Variants in TENM2 observed in about 807,000 individuals in gnomAD.
TENM2 encodes teneurin-2.
TENM2 carries 52 observed loss-of-function variants against 245.2 expected under a neutral mutation model. The observed-to-expected ratio is 0.21, with a 90% confidence interval of 0.17 to 0.27. The LOEUF is 0.27. Among genes scored for constraint, TENM2 ranks in the 10% least tolerant of loss-of-function variants. The pLI, the probability that TENM2 is intolerant of heterozygous loss-of-function variation, is 1.00. For synonymous variants in TENM2, 1,363 were observed against 1,438.9 expected, an observed-to-expected ratio of 0.95 and a Z score of 1.19; for missense variants, 3,046 against 3,666.8, an observed-to-expected ratio of 0.83 and a Z score of 4.37.
In TENM2 at chr5:167,949,145, C is replaced by A. The variant is rs540366839; in HGVS notation, c.713-3443C>A. 2.0e-5 allele frequency among the ~76,000 whole-genome samples: 3 copies of A among 152,218 alleles called. No homozygotes were observed. The South Asian group carries it at 6.2e-4, about 32-fold the overall frequency. On this transcript the variant is annotated intron_variant, in intron 3 of 28. Transcript: ENST00000518659. ...TAGGAGTCAAAAACATACTATTAGG[C>A]GTCAGTAACATAAATACATACAGCC...
chr5:167,103,424 C>T, the TENM2 span, among the ~76,000 whole-genome samples: 1 of 152,178 alleles, frequency 6.6e-6, no homozygotes, highest in Non-Finnish European at 1.5e-5. Flanking sequence ...CGAAGGAGTT[C>T]AGGGACTATG....
exon 14 of TENM2, chr5:168,190,480 C>A: frequency 6.2e-7 from 1 of 1,613,976 alleles, no homozygotes; most frequent in Non-Finnish European, 8.5e-7. Context: ...CTTCTATGAC[C>A]GTATCAAGCT....
chr5:167,629,227 A>G (rs889844718), intron 2 of TENM2, among the ~76,000 whole-genome samples: 11 of 152,202 alleles, frequency 7.2e-5, no homozygotes, highest in African/African-American at 2.2e-4. Flanking sequence ...CTAGGTTCAA[A>G]TCCTGGTTTA....
chr5:167,584,061 T>C (rs1266658089), intron 2 of TENM2, among the ~76,000 whole-genome samples: 1 of 152,242 alleles, frequency 6.6e-6, no homozygotes, highest in African/African-American at 2.4e-5. Flanking sequence ...CCTCACTATA[T>C]ATAACTGCTG....
At chr5:167,930,765 T>TC (rs1342462456) in intron 3 of TENM2, among the ~76,000 whole-genome samples, 1 of 148,240 alleles carries the variant, frequency 6.7e-6, no homozygotes, top group African/African-American at 2.5e-5. Context: ...GAGAATTTTT[T>TC]TTTTTTAAAA....
the TENM2 span, among the ~76,000 whole-genome samples, chr5:167,090,133 G>GT: frequency 6.6e-6 from 1 of 151,788 alleles, no homozygotes; most frequent in South Asian, 2.1e-4. Context: ...ATTTATTACT[G>GT]TAAGAGAAGA....
At chr5:167,031,053 A>C in the TENM2 span, among the ~76,000 whole-genome samples, 1 of 152,200 alleles carries the variant, frequency 6.6e-6, no homozygotes, top group South Asian at 2.1e-4. Context: ...CGAACCTTTT[A>C]GAAGTGAGCC....
chr5:167,220,718 T>A, the TENM2 span, among the ~76,000 whole-genome samples: 2 of 152,224 alleles, frequency 1.3e-5, no homozygotes. Context: ...TCTTGGACTC[T>A]TAATTTCTTT....
chr5:167,538,511 A>G (rs943432465), intron 2 of TENM2, among the ~76,000 whole-genome samples: 42 of 152,306 alleles, frequency 2.8e-4, no homozygotes, highest in African/African-American at 9.4e-4. Flanking sequence ...TTCTCATTTA[A>G]CAATAAGTGA....
At chr5:167,891,748 C>T (rs1469782348) in intron 3 of TENM2, among the ~76,000 whole-genome samples, 1 of 152,162 alleles carries the variant, frequency 6.6e-6, no homozygotes, top group African/African-American at 2.4e-5. Flanking sequence ...TCCACCATGT[C>T]ACAGGTGCTG....
At chr5:167,981,331 T>G (rs1025145213) in intron 4 of TENM2, among the ~76,000 whole-genome samples, 1 of 152,162 alleles carries the variant, frequency 6.6e-6, no homozygotes, top group Non-Finnish European at 1.5e-5. Flanking sequence ...CCTGCACAAC[T>G]GGAGAAGTGA....
At chr5:167,980,981 G>A (rs1782791868) in intron 4 of TENM2, among the ~76,000 whole-genome samples, 1 of 152,172 alleles carries the variant, frequency 6.6e-6, no homozygotes, top group African/African-American at 2.4e-5. Context: ...AGCCAACAGA[G>A]CTCAGCCAAG....
At chr5:166,994,308 G>A in the TENM2 span, among the ~76,000 whole-genome samples, 2 of 152,170 alleles carry the variant, frequency 1.3e-5, no homozygotes, top group African/African-American at 4.8e-5. Flanking sequence ...AATATTGTGG[G>A]CGATCATCTT....
chr5:168,242,418 C>T (rs1766180287), intron 25 of TENM2, among the ~76,000 whole-genome samples: 1 of 152,196 alleles, frequency 6.6e-6, no homozygotes, highest in African/African-American at 2.4e-5. Flanking sequence ...ACATACAATA[C>T]AGGAAGCAGT....
chr5:167,351,609 A>C (rs184631378), intron 1 of TENM2, among the ~76,000 whole-genome samples: 1 of 152,202 alleles, frequency 6.6e-6, no homozygotes. Context: ...AAAGCAGAAC[A>C]TATAGAGGTG....
chr5:167,348,868 G>C (rs1350586570), intron 1 of TENM2, among the ~76,000 whole-genome samples: 2 of 152,172 alleles, frequency 1.3e-5, no homozygotes, highest in East Asian at 3.9e-4. Context: ...TGATCTCAGA[G>C]AATTGCATTA....
chr5:167,929,063 AAGAAAG>A (rs1201368163), intron 3 of TENM2, among the ~76,000 whole-genome samples: 2,428 of 19,314 alleles, frequency 0.13, 67 homozygotes, highest in Admixed American at 0.14. Flanking sequence ...GAAAGAGAGA[AAGAAAG>A]AAAGAAAGAA....
chr5:167,788,402 T>TA (rs1320785055), intron 2 of TENM2, among the ~76,000 whole-genome samples: 1 of 152,188 alleles, frequency 6.6e-6, no homozygotes, highest in African/African-American at 2.4e-5. Flanking sequence ...TAATTGACAG[T>TA]AAAGGAATCT....
chr5:168,142,062 A>T (rs1435785274), intron 12 of TENM2, among the ~76,000 whole-genome samples: 3 of 152,230 alleles, frequency 2.0e-5, no homozygotes, highest in African/African-American at 7.2e-5. Flanking sequence ...TTCAGGTTGC[A>T]TGGTTTACGG....
Sources: allele counts gnomAD v4.1 joint callset (sites outside exome capture counted in the v4.1 genomes callset), GRCh38; gene constraint gnomAD v4.1.1; transcripts MANE v1.5; gene names NCBI Gene and HGNC (gene_info 2026-07-23, HGNC 2026-07-21).